The following FRMD4A variants were observed in gnomAD, a reference collection of about 807,000 sequenced individuals.
FRMD4A encodes FERM domain-containing protein 4A.
Under a neutral mutation model 129.1 loss-of-function variants are expected in FRMD4A, and 29 were observed. The observed-to-expected ratio is 0.22, with a 90% CI of 0.17 to 0.31. The LOEUF (loss-of-function observed/expected upper bound fraction) is 0.31. Ranked by LOEUF, FRMD4A falls within the 10% of genes least tolerant of loss-of-function variation. FRMD4A has a pLI of 1.00. For missense variants in FRMD4A, 1,272 were observed against 1,375.8 expected (o/e 0.92, Z 1.19); for synonymous variants, 634 against 571.6 (o/e 1.11, Z -1.56).
intron 6 of FRMD4A, among the ~76,000 whole-genome samples, chr10:13,769,351 C>T (rs2092387327): frequency 6.6e-6 from 1 of 152,008 alleles, no homozygotes; most frequent in South Asian, 2.1e-4. Context: ...CTCTGTCACC[C>T]AGGCTGGAGT....
chr10:13,708,224 C>G (rs886829701), intron 12 of FRMD4A, among the ~76,000 whole-genome samples: 1 of 152,188 alleles, frequency 6.6e-6, no homozygotes, highest in African/African-American at 2.4e-5. Flanking sequence ...CCAGAGTCCT[C>G]GGACCTCAGG....
intron 20 of FRMD4A, 63 bp downstream of exon 20, chr10:13,660,253 C>T (rs2082533880): frequency 9.6e-7 from 1 of 1,041,116 alleles, no homozygotes; most frequent in Admixed American, 1.8e-5. Context: ...CTTGGGACGG[C>T]CCTTTGATTC....
chr10:13,862,754 A>G (rs530141960), intron 2 of FRMD4A, among the ~76,000 whole-genome samples: 2 of 152,320 alleles, frequency 1.3e-5, no homozygotes, highest in East Asian at 1.9e-4. Flanking sequence ...CTGTTGTTCC[A>G]TATTCAAGTA....
rs529290821 is a variant in FRMD4A, at chr10:13,830,229, C to T, written c.112-19321G>A. ...ATCCATCGGGCAGGGCGCTGTCCCT[C>T]CTCGGCCCTCCTTCCCTCCATTTGC... On this transcript the variant is annotated intron_variant, in intron 3 of 24. Transcript: ENST00000357447. 5.8e-4 allele frequency among the ~76,000 whole-genome samples: 88 copies of T among 152,326 alleles called. 1 individual carries two copies. The South Asian group carries it at 9.7e-3, about 17-fold the overall frequency.
chr10:13,705,117 GA>G, intron 13 of FRMD4A, among the ~76,000 whole-genome samples: 1 of 152,276 alleles, frequency 6.6e-6, no homozygotes, highest in Admixed American at 6.5e-5. Context: ...AGTTACACTA[GA>G]AGATCTTTAA....
chr10:13,760,878 T>A (rs914651688), intron 8 of FRMD4A, among the ~76,000 whole-genome samples: 10 of 152,040 alleles, frequency 6.6e-5, no homozygotes, highest in Non-Finnish European at 1.3e-4. Flanking sequence ...GCCTTTTTTT[T>A]TTTTTTCAGA....
In FRMD4A at chr10:13,963,517, C is replaced by T. The variant is rs542751766; in HGVS notation, c.46-104605G>A. 3.9e-5 allele frequency among the ~76,000 whole-genome samples: 6 copies of T among 152,174 alleles called. No individual in the cohort carries two copies. In the East Asian group the frequency reaches 1.2e-3, roughly 29 times the overall value. On this transcript the variant is annotated intron_variant, in intron 2 of 24. Transcript: ENST00000357447. ...ATCAGTCCAAGACTGGTTGTATGAG[C>T]TGTTTGTGAAGATAAAAACGAATCA... is the stretch of plus-strand genomic sequence containing the variant.
At chr10:13,695,767 G>C (rs1247341528) in intron 14 of FRMD4A, among the ~76,000 whole-genome samples, 1 of 152,222 alleles carries the variant, frequency 6.6e-6, no homozygotes, top group Non-Finnish European at 1.5e-5. Flanking sequence ...AGGCATGGGG[G>C]CGGTGGTGAA....
At chr10:13,678,166 C>G (rs1229566782) in intron 15 of FRMD4A, among the ~76,000 whole-genome samples, 1 of 152,108 alleles carries the variant, frequency 6.6e-6, no homozygotes, top group Non-Finnish European at 1.5e-5. Context: ...CAATAATTAG[C>G]CTAGATACCA....
chr10:13,886,813 G>A (rs1197008519), intron 2 of FRMD4A, among the ~76,000 whole-genome samples: 2 of 152,150 alleles, frequency 1.3e-5, no homozygotes, highest in African/African-American at 2.4e-5. Flanking sequence ...CTCACTCAGC[G>A]ATTTGCTTAT....
chr10:13,999,486 C>A lies in FRMD4A; in HGVS notation c.46-140574G>T, dbSNP rs372037239. 4.6e-5 allele frequency among the ~76,000 whole-genome samples: 7 copies of A among 152,254 alleles called. No homozygotes were observed. The East Asian group carries it at 7.7e-4, about 17-fold the overall frequency. On this transcript the variant is annotated intron_variant, in intron 2 of 24. Transcript: ENST00000357447. ...TAGCAATGATCAATATACTTCTAAC[C>A]CTTATTGGTTTTCCTCATTAATGTT...
At chr10:14,148,337 A>G (rs531398632) in intron 2 of FRMD4A, among the ~76,000 whole-genome samples, 1 of 152,360 alleles carries the variant, frequency 6.6e-6, no homozygotes, top group Non-Finnish European at 1.5e-5. Flanking sequence ...TGCATCTTTC[A>G]ACATGGTTGA....
intron 2 of FRMD4A, among the ~76,000 whole-genome samples, chr10:14,002,159 T>G (rs2095645048): frequency 6.6e-6 from 1 of 152,182 alleles, no homozygotes; most frequent in Non-Finnish European, 1.5e-5. Flanking sequence ...ACCATTTCAG[T>G]CTTTCCCAGA....
chr10:13,915,583 A>G (rs549671379), intron 2 of FRMD4A, among the ~76,000 whole-genome samples: 12 of 151,778 alleles, frequency 7.9e-5, no homozygotes, highest in African/African-American at 2.9e-4. Flanking sequence ...GAGGCAGGAG[A>G]ATAGCATGAA....
chr10:13,792,199 G>T (rs2093017011), intron 5 of FRMD4A, among the ~76,000 whole-genome samples: 1 of 152,202 alleles, frequency 6.6e-6, no homozygotes, highest in Non-Finnish European at 1.5e-5. Flanking sequence ...ACTCATGGTG[G>T]TGTGCACTTG....
At chr10:13,672,297 T>TAA (rs201228812) in intron 16 of FRMD4A, among the ~76,000 whole-genome samples, 2 of 150,220 alleles carry the variant, frequency 1.3e-5, no homozygotes, top group African/African-American at 4.9e-5. Flanking sequence ...GTTTTTTCTT[T>TAA]AAAAAAAAAA....
At chr10:13,945,286 G>A (rs760023929) in intron 2 of FRMD4A, among the ~76,000 whole-genome samples, 1 of 152,174 alleles carries the variant, frequency 6.6e-6, no homozygotes, top group Non-Finnish European at 1.5e-5. Flanking sequence ...GATAGGGTCT[G>A]TATGGTTAGT....
chr10:13,826,311 C>T (rs1429858664), intron 3 of FRMD4A, among the ~76,000 whole-genome samples: 1 of 152,192 alleles, frequency 6.6e-6, no homozygotes, highest in African/African-American at 2.4e-5. Context: ...AATAAATCAT[C>T]ACTACACGGT....
intron 2 of FRMD4A, among the ~76,000 whole-genome samples, chr10:13,885,643 C>T (rs1420033657): frequency 1.3e-5 from 2 of 152,208 alleles, no homozygotes; most frequent in African/African-American, 2.4e-5. Context: ...TTGTAGACTG[C>T]ACCAGGCATT....
Sources: allele counts gnomAD v4.1 joint callset (sites outside exome capture counted in the v4.1 genomes callset), GRCh38; gene constraint gnomAD v4.1.1; transcripts MANE v1.5; gene names NCBI Gene and HGNC (gene_info 2026-07-23, HGNC 2026-07-21).